The following SAMD11 variants were observed in gnomAD, a reference collection of about 807,000 sequenced individuals.
SAMD11 encodes sterile alpha motif domain containing 11, also known as sterile alpha motif domain-containing protein 11.
In SAMD11, 77 loss-of-function variants were observed where a neutral mutation model predicts 64.4. The ratio of observed to expected loss-of-function variants is 1.20; its 90% CI spans 0.99 to 1.44. SAMD11 has a LOEUF of 1.44. Ranked by LOEUF, SAMD11 falls within the 40% of genes most tolerant of loss-of-function variation. SAMD11 has a pLI of 0.00. For missense variants in SAMD11, 1,402 were observed against 943.3 expected (o/e 1.49, Z -6.37); for synonymous variants, 658 against 421.9 (o/e 1.56, Z -6.86).
At chr1:939,569 G>GTCCCTGGAGGAC in intron 7 of SAMD11, 157 bp downstream of exon 7, 1 of 637,420 alleles carries the variant, frequency 1.6e-6, no homozygotes, top group African/African-American at 3.5e-5. Flanking sequence ...CTGGATGCAG[G>GTCCCTGGAGGAC]TCCCTCTGCC....
intron 4 of SAMD11, among the ~76,000 whole-genome samples, chr1:935,101 C>A (rs866032568): frequency 6.6e-6 from 1 of 152,056 alleles, no homozygotes; most frequent in Admixed American, 6.5e-5. Context: ...CTCTGGGACT[C>A]TGTGGATGTG....
rs557105222 is a variant in SAMD11 at position 929,018 on chromosome 1, AG to A, written c.610-1134del. 2.9e-3 allele frequency among the ~76,000 whole-genome samples: 435 copies of A among 152,300 alleles called. 2 individuals are homozygous for A. Among genetic ancestry groups the A allele is most frequent in the African/African-American group, 9.6e-3 (398 of 41,550 alleles). The stretch of plus-strand genomic sequence containing the variant: ...GGAGGGAGTGAGTTAGACGCTCTCA[AG>A]GGCTCTGCCACCTCCCGGAGCCAGC... On this transcript the variant is annotated intron_variant, in intron 2 of 13. Coordinates refer to ENST00000616016, the MANE Select transcript of SAMD11 (RefSeq NM_001385641.1).
Position 943,695 on chromosome 1 carries a change from C to A in SAMD11, c.2179-3C>A. ...CCTGACCCTCCCTCCCTCCCCCTTC[C>A]AGGTCTTCAGGGAGCAGGGGATCGA... On this transcript the variant is annotated splice_polypyrimidine_tract_variant and splice_region_variant and intron_variant, in intron 12 of 13. Coordinates refer to ENST00000616016, the MANE Select transcript of SAMD11 (RefSeq NM_001385641.1). 1.9e-6 allele frequency: 3 copies of A among 1,566,290 alleles called. No homozygotes were observed. Among genetic ancestry groups the A allele is most frequent in the Non-Finnish European group, 2.6e-6 (3 of 1,154,452 alleles).
rs762773100 is a variant in SAMD11, at chr1:943,342, G to A, written c.2143G>A (p.Val715Met). 1.7e-5 allele frequency: 27 copies of A among 1,598,280 alleles called. No homozygotes were observed. In the Middle Eastern group the frequency reaches 1.0e-3, roughly 60 times the overall value. Residue 715 changes from valine to methionine, a missense_variant, in exon 12 of 14, where the codon GTG becomes ATG. Coordinates refer to ENST00000616016, the MANE Select transcript of SAMD11 (RefSeq NM_001385641.1). ...KWTVDDVCSF[V>M]GGLSGCGEYT... ...GACCGTGGATGACGTCTGCAGCTTC[G>A]TGGGGGGCCTGTCTGGCTGTGGAGA...
At chr1:928,764 G>A (rs961594796) in intron 2 of SAMD11, among the ~76,000 whole-genome samples, 11 of 152,390 alleles carry the variant, frequency 7.2e-5, no homozygotes, top group East Asian at 1.9e-4. Flanking sequence ...GAGGGGAGAC[G>A]TGGCTCTGGG....
rs535452681 is a variant in SAMD11, at chr1:943,481, C to T, written c.2178+104C>T. On this transcript the variant is annotated intron_variant, in intron 12 of 13. Coordinates refer to ENST00000616016, the MANE Select transcript of SAMD11 (RefSeq NM_001385641.1). ...AGGGCCATTCCCCAACGCCCTCTCCCTCCCCAAAAGCAGTGCGCAGCAGGG... is the reference window on the plus strand; with the variant it reads ...AGGGCCATTCCCCAACGCCCTCTCCTTCCCCAAAAGCAGTGCGCAGCAGGG... 8.2e-4 allele frequency: 917 copies of T among 1,122,816 alleles called. 1 individual carries two copies. Among genetic ancestry groups the T allele is most frequent in the Non-Finnish European group, 1.1e-3 (870 of 791,270 alleles). The allele number at this position is 1,122,816 out of a possible 1,614,324, so 69.6% of individuals were successfully genotyped here. A position where few individuals can be genotyped will look rare whatever the true frequency, so the allele number is the denominator to read the frequency against.
chr1:942,019 G>C, intron 8 of SAMD11, 117 bp from the exon 9 acceptor site: 2 of 422,744 alleles, frequency 4.7e-6, no homozygotes, highest in Non-Finnish European at 8.4e-6. Context: ...GCCGTAACGA[G>C]CTGCGCATCG....
chr1:930,384 T>G (rs948794979), intron 3 of SAMD11, 48 bp downstream of exon 3: 18 of 1,538,168 alleles, frequency 1.2e-5, no homozygotes, highest in Non-Finnish European at 1.6e-5. Flanking sequence ...CAGATGGGGC[T>G]GGAGCTTCAG....
At chr1:935,400 C>T (rs1641377394) in intron 4 of SAMD11, among the ~76,000 whole-genome samples, 2 of 152,124 alleles carry the variant, frequency 1.3e-5, no homozygotes, top group Admixed American at 1.3e-4. Flanking sequence ...CAGGACTGCC[C>T]CTGAGCAGAT....
chr1:942,482 TG>T lies in SAMD11; in HGVS notation c.1549del (p.Ala517ProfsTer47). ...WQQELLRKQN[L>X]ARLELPADLL... is the part of the protein sequence containing the mutation. ...CAGGAGCTCCTGCGGAAGCAGAACCTGGCCCGGTAGGTGCGGGGAGGCGGGC... is the reference window on the plus strand; with the variant it reads ...CAGGAGCTCCTGCGGAAGCAGAACCTGCCCGGTAGGTGCGGGGAGGCGGGC... On this transcript the variant is annotated frameshift_variant, in exon 10 of 14. Coordinates refer to ENST00000616016, the MANE Select transcript of SAMD11 (RefSeq NM_001385641.1). LOFTEE classifies it high-confidence loss of function. 6.8e-7 allele frequency: 1 copy of T among 1,478,228 alleles called. No individual in the cohort carries two copies. Among genetic ancestry groups the T allele is most frequent in the Non-Finnish European group, 8.9e-7 (1 of 1,120,298 alleles). The allele number at this position is 1,478,228 out of a possible 1,614,324, so 91.6% of individuals were successfully genotyped here.
chr1:934,968 C>A (rs893807181), intron 4 of SAMD11, among the ~76,000 whole-genome samples: 2 of 151,190 alleles, frequency 1.3e-5, no homozygotes, highest in African/African-American at 4.9e-5. Context: ...GCGGGCGGTG[C>A]TGCAGGAGGA....
chr1:931,861 C>T (rs1641183560), intron 4 of SAMD11, among the ~76,000 whole-genome samples: 1 of 152,184 alleles, frequency 6.6e-6, no homozygotes, highest in African/African-American at 2.4e-5. Context: ...TTCCTGGCTC[C>T]AGGGGGAAGC....
chr1:941,962 G>C, intron 8 of SAMD11, 174 bp from the exon 9 acceptor site: 1 of 365,556 alleles, frequency 2.7e-6, no homozygotes, highest in Non-Finnish European at 4.9e-6. Context: ...CCGCCGCCGA[G>C]ATTAATTGGC....
At position 942,999 on chromosome 1, in the gene SAMD11, T is replaced by TC; in HGVS notation, c.1997dup (p.Gly667ArgfsTer35). On this transcript the variant is annotated frameshift_variant, in exon 11 of 14. Transcript: ENST00000616016. LOFTEE classifies it high-confidence loss of function. ...GCCGGCGCCGAGGGGAAGGGGCTTT[T>TC]CCCAGGGTCCACACTGCCCCTGGGC... is the stretch of plus-strand genomic sequence containing the variant. 3 of 1,539,360 alleles carry TC rather than the reference T, an allele frequency of 1.9e-6. No homozygotes were observed. The highest frequency in any genetic ancestry group is 2.6e-6 in the Non-Finnish European group (3 of 1,146,640).
chr1:940,296 G>GCC lies in SAMD11; in HGVS notation c.1196-837_1196-836dup, dbSNP rs552305601. ...GCGCTGTCAATCAGGCCGCGCCGCCGCCCCCCCCCCCCGCCCCGCCGCGGA... is the reference window on the plus strand; with the variant it reads ...GCGCTGTCAATCAGGCCGCGCCGCCGCCCCCCCCCCCCCCGCCCCGCCGCGGA... On this transcript the variant is annotated intron_variant, in intron 7 of 13. Transcript: ENST00000616016. 9.1e-3 allele frequency: 1,194 copies of GCC among 131,346 alleles called. 132 individuals carry two copies. Among genetic ancestry groups the GCC allele is most frequent in the African/African-American group, 0.03 (1,074 of 35,814 alleles). 8.1% of individuals were successfully genotyped at this position (131,346 alleles called of 1,614,324 possible).
At chr1:932,228 T>A (rs1641199521) in intron 4 of SAMD11, among the ~76,000 whole-genome samples, 1 of 152,238 alleles carries the variant, frequency 6.6e-6, no homozygotes. Context: ...AATACATTTG[T>A]CAGCGAGGCC....
intron 5 of SAMD11, among the ~76,000 whole-genome samples, chr1:938,727 TGA>T (rs369457549): frequency 1.6e-4 from 25 of 152,048 alleles, no homozygotes; most frequent in African/African-American, 6.0e-4. Context: ...TCTAGGGGGA[TGA>T]GAGGGGGGCT....
At position 942,480 on chromosome 1, in the gene SAMD11, C is replaced by A; in HGVS notation, c.1545C>A (p.Asn515Lys). 1 of 1,485,312 alleles carries A rather than the reference C, an allele frequency of 6.7e-7. No individual in the cohort carries two copies. The highest frequency in any genetic ancestry group is 1.3e-5 in the South Asian group (1 of 78,670). 92.0% of individuals were successfully genotyped at this position (1,485,312 alleles called of 1,614,324 possible). ...AWQQELLRKQ[N>K]LARLELPADL... ...AGCAGGAGCTCCTGCGGAAGCAGAA[C>A]CTGGCCCGGTAGGTGCGGGGAGGCG... The change falls in exon 10 of 14, where the codon AAC becomes AAA. Residue 515 changes from asparagine (N) to lysine (K), a missense_variant. Physicochemically the swap from Asn to Lys is moderately conservative, Grantham distance 94 (BLOSUM62 0). Coordinates refer to ENST00000616016, the MANE Select transcript of SAMD11 (RefSeq NM_001385641.1).
chr1:939,094 T>G lies in SAMD11; in HGVS notation c.1022T>G (p.Phe341Cys). Residue 341 changes from phenylalanine (F) to cysteine (C), a missense_variant, in exon 6 of 14, where the codon TTT (phenylalanine) becomes TGT (cysteine). Physicochemically the swap from Phe to Cys is radical, Grantham distance 205. Transcript: ENST00000616016. ...GRSPRISSDC[F>C]SEKRARSESP... is the part of the protein sequence containing the mutation. ...TCCCCCCGTATCAGCAGCGACTGCT[T>G]TTCAGAGAAGAGGGCACGAAGCGAA... 1.9e-6 allele frequency: 3 copies of G among 1,605,444 alleles called. No individual in the cohort carries two copies. Among genetic ancestry groups the G allele is most frequent in the East Asian group, 2.2e-5 (1 of 44,632 alleles).
Sources: allele counts gnomAD v4.1 joint callset (sites outside exome capture counted in the v4.1 genomes callset), GRCh38; gene constraint gnomAD v4.1.1; transcripts MANE v1.5; gene names NCBI Gene and HGNC (gene_info 2026-07-23, HGNC 2026-07-21).